The following SHROOM2 variants were observed in gnomAD, a reference collection of about 807,000 sequenced individuals.
The protein encoded by SHROOM2 is shroom family member 2.
SHROOM2 carries 33 observed loss-of-function variants against 75.9 expected under a neutral mutation model. The ratio of observed to expected loss-of-function variants is 0.43; its 90% CI spans 0.33 to 0.58. The LOEUF (loss-of-function observed/expected upper bound fraction) is 0.58. SHROOM2 is among the 20% of genes least tolerant of loss of function. SHROOM2 has a pLI of 0.04. For missense variants in SHROOM2, 1,434 were observed against 1,461.2 expected (o/e 0.98, Z 0.30); for synonymous variants, 655 against 663.6 (o/e 0.99, Z 0.20).
At position 9,895,722 on chromosome X, in the gene SHROOM2, G is replaced by A; in HGVS notation, c.1814G>A (p.Ser605Asn). The change falls in exon 4 of 10, where the codon AGC becomes AAC. Residue 605 changes from serine (S) to asparagine (N), a missense_variant. By Grantham distance (46) the Ser-to-Asn change is conservative (BLOSUM62 1). Coordinates refer to ENST00000380913, the MANE Select transcript of SHROOM2 (RefSeq NM_001649.4). ...KRRPESSPED[S>N]ATRPPPFDAH... ...CGGCCTGAGAGCAGTCCAGAGGACA[G>A]CGCCACCAGACCGCCACCGTTCGAC... is the stretch of plus-strand genomic sequence containing the variant. The A allele has an allele frequency of 1.7e-6, 2 of 1,194,465 alleles. No individual in the cohort carries two copies. The highest frequency in any genetic ancestry group is 1.1e-6 in the Non-Finnish European group (1 of 888,230).
chrX:9,917,661 C>G (rs986982893), intron 5 of SHROOM2, among the ~76,000 whole-genome samples: 3 of 111,365 alleles, frequency 2.7e-5, no homozygotes, highest in African/African-American at 9.8e-5. Context: ...GCTGGGATTA[C>G]AAGCATGCGC....
intron 5 of SHROOM2, among the ~76,000 whole-genome samples, chrX:9,915,375 A>G (rs2084481302): frequency 9.0e-6 from 1 of 111,288 alleles, no homozygotes; most frequent in Non-Finnish European, 1.9e-5. Flanking sequence ...GCACAGGGGT[A>G]ATAGCTTCGA....
chrX:9,910,232 CAG>C lies in SHROOM2; in HGVS notation c.2891+11944_2891+11945del, dbSNP rs749616409. Reference sequence around the variant, plus strand: ...AGACAGAAGGAGAACATTGATTAAACAGAAAATTTGAATAAAGTGTGACCTTT... The same window carrying C: ...AGACAGAAGGAGAACATTGATTAAACAAAATTTGAATAAAGTGTGACCTTT... On this transcript the variant is annotated intron_variant, in intron 5 of 9. Transcript: ENST00000380913. Among the ~76,000 whole-genome samples, 487 of 111,040 alleles carry C rather than the reference CAG, an allele frequency of 4.4e-3. 2 individuals carry two copies. The highest frequency in any genetic ancestry group is 0.015 in the African/African-American group (470 of 30,500).
In SHROOM2 at chrX:9,896,788, A is replaced by G. The variant is rs1276520025; in HGVS notation, c.2790+90A>G. On this transcript the variant is annotated intron_variant, in intron 4 of 9. Coordinates refer to ENST00000380913, the MANE Select transcript of SHROOM2 (RefSeq NM_001649.4). Reference sequence around the variant, plus strand: ...GCAGTGGCTGACGCCAGGGCTACTCAGCTCCAGCTGTGCGAGCATTTACCT... The same window carrying G: ...GCAGTGGCTGACGCCAGGGCTACTCGGCTCCAGCTGTGCGAGCATTTACCT... 5.2e-6 allele frequency: 5 copies of G among 965,012 alleles called. No individual in the cohort carries two copies. The East Asian group carries it at 1.7e-4, about 33-fold the overall frequency. 79.5% of individuals were successfully genotyped at this position (965,012 alleles called of 1,213,427 possible).
intron 5 of SHROOM2, among the ~76,000 whole-genome samples, chrX:9,924,128 A>G (rs967437228): frequency 8.9e-6 from 1 of 112,221 alleles, no homozygotes; most frequent in African/African-American, 3.2e-5. Flanking sequence ...GAAATGACTG[A>G]CTGAAGGATG....
chrX:9,815,749 A>G (rs555617436), intron 1 of SHROOM2, among the ~76,000 whole-genome samples: 2 of 110,368 alleles, frequency 1.8e-5, no homozygotes, highest in Admixed American at 2.0e-4. Context: ...AGCATCCAGC[A>G]TGGGAGAAAG....
chrX:9,823,663 ATTTTTGC>A (rs1242100009), intron 1 of SHROOM2, among the ~76,000 whole-genome samples: 1 of 109,743 alleles, frequency 9.1e-6, no homozygotes, highest in Non-Finnish European at 1.9e-5. Flanking sequence ...ATACGAAGTC[ATTTTTGC>A]TTTTTGCTTT....
At chrX:9,810,503 G>A (rs1227860055) in intron 1 of SHROOM2, among the ~76,000 whole-genome samples, 1 of 111,098 alleles carries the variant, frequency 9.0e-6, no homozygotes, top group Non-Finnish European at 1.9e-5. Flanking sequence ...GGTAGGAGGA[G>A]CCCAAAGCAC....
At position 9,944,927 on chromosome X, in the gene SHROOM2, C is replaced by G. The variant is rs375719444; in HGVS notation, c.4584+14C>G. 5.9e-6 allele frequency: 7 copies of G among 1,179,507 alleles called. No homozygotes were observed. In the African/African-American group the frequency reaches 1.2e-4, roughly 21 times the overall value. On this transcript the variant is annotated intron_variant, in intron 9 of 9. Coordinates refer to ENST00000380913, the MANE Select transcript of SHROOM2 (RefSeq NM_001649.4). ...CCCGGTGATCGGGTAAATGCAGATA[C>G]GTCTGACTTGGAAATGGGGGGTGGT...
intron 5 of SHROOM2, among the ~76,000 whole-genome samples, chrX:9,926,428 TAG>T (rs2084594612): frequency 9.0e-6 from 1 of 111,614 alleles, no homozygotes; most frequent in African/African-American, 3.3e-5. Context: ...AGAATGCAGG[TAG>T]AGACTGGGCA....
At chrX:9,850,819 A>G (rs1297140720) in intron 1 of SHROOM2, among the ~76,000 whole-genome samples, 1 of 89,160 alleles carries the variant, frequency 1.1e-5, no homozygotes, top group African/African-American at 4.1e-5. Flanking sequence ...GCTAGCGGAT[A>G]AGACTCTGTG....
At chrX:9,915,279 G>C (rs1173071076) in intron 5 of SHROOM2, among the ~76,000 whole-genome samples, 2 of 111,286 alleles carry the variant, frequency 1.8e-5, no homozygotes, top group Non-Finnish European at 3.8e-5. Context: ...TTCCAGCTCT[G>C]TGGGGTGATT....
In SHROOM2 at chrX:9,944,905, G is replaced by A. The variant is rs749362346; in HGVS notation, c.4576G>A (p.Gly1526Ser). The A allele has an allele frequency of 1.3e-4, 158 of 1,198,054 alleles. No individual in the cohort carries two copies. Among genetic ancestry groups the A allele is most frequent in the Middle Eastern group, 2.3e-4 (1 of 4,365 alleles). ...LNNLDDGASP[G>S]DRQSLLEKQR... ...TAATTTGGACGACGGCGCTTCTCCC[G>A]GTGATCGGGTAAATGCAGATACGTC... is the stretch of plus-strand genomic sequence containing the variant. The change falls in exon 9 of 10, where the codon GGT becomes AGT. Residue 1526 changes from glycine to serine, a missense_variant. Physicochemically the swap from Gly to Ser is moderately conservative, Grantham distance 56. This residue lies in a region of SHROOM2 where 80 missense variants were observed against 88.4 expected (regional missense o/e 0.90). Coordinates refer to ENST00000380913, the MANE Select transcript of SHROOM2 (RefSeq NM_001649.4).
intron 1 of SHROOM2, among the ~76,000 whole-genome samples, chrX:9,851,631 A>ATTTTT (rs746554166): frequency 1.1e-5 from 1 of 90,722 alleles, no homozygotes; most frequent in African/African-American, 4.0e-5. Context: ...AAATTTTTGT[A>ATTTTT]TTTTTTTTTT....
At chrX:9,797,735 G>A (rs754486765) in intron 1 of SHROOM2, among the ~76,000 whole-genome samples, 2 of 112,147 alleles carry the variant, frequency 1.8e-5, no homozygotes, top group Non-Finnish European at 3.8e-5. Context: ...GAGCCCTGGA[G>A]CATTGGGGCA....
intron 5 of SHROOM2, among the ~76,000 whole-genome samples, chrX:9,906,742 C>T (rs2084393462): frequency 1.8e-5 from 2 of 112,217 alleles, no homozygotes; most frequent in Non-Finnish European, 3.8e-5. Flanking sequence ...GAGCCGAGAT[C>T]GTGCCATTGC....
Position 9,932,239 on chromosome X carries a change from G to T in SHROOM2, c.2956G>T (p.Ala986Ser), listed in dbSNP as rs199645557. Residue 986 changes from alanine (A) to serine (S), a missense_variant, in exon 6 of 10, where the codon GCA (alanine) becomes TCA (serine). Ala to Ser is a moderately conservative substitution (Grantham distance 99, BLOSUM62 1). Transcript: ENST00000380913. ...GSQQHPPSQKAPNPPTFSELS... is the reference protein window; with the variant it reads ...GSQQHPPSQKSPNPPTFSELS... ...ACAGCAGCACCCACCGAGTCAGAAG[G>T]CACCGAACCCACCCACATTCTCTGA... 3.4e-6 allele frequency: 4 copies of T among 1,173,137 alleles called. No homozygotes were observed. The Admixed American group carries it at 7.3e-5, about 21-fold the overall frequency.
At chrX:9,866,509 A>G (rs756677863) in intron 1 of SHROOM2, among the ~76,000 whole-genome samples, 1 of 110,727 alleles carries the variant, frequency 9.0e-6, no homozygotes, top group South Asian at 3.9e-4. Context: ...ACCCTGCGGC[A>G]GGTGACATGT....
intron 2 of SHROOM2, among the ~76,000 whole-genome samples, chrX:9,875,661 G>A (rs1367968078): frequency 4.5e-5 from 5 of 112,337 alleles, no homozygotes; most frequent in Non-Finnish European, 7.5e-5. Flanking sequence ...TTCCTGAGTC[G>A]GAAGGTGTGT....
Sources: allele counts gnomAD v4.1 joint callset (sites outside exome capture counted in the v4.1 genomes callset), GRCh38; gene constraint gnomAD v4.1.1; regional missense constraint gnomAD v4.1.1; transcripts MANE v1.5; gene names NCBI Gene and HGNC (gene_info 2026-07-23, HGNC 2026-07-21).